Variants in TBX5 observed in about 807,000 individuals in gnomAD.
The protein encoded by TBX5 is T-box transcription factor 5, also known as T-box transcription factor TBX5.
A neutral mutation model predicts 51.1 loss-of-function variants in TBX5; 8 were observed. That is an observed-to-expected ratio of 0.16 (90% confidence interval 0.09 to 0.28). The LOEUF is 0.28. Ranked by LOEUF, TBX5 falls within the 10% of genes least tolerant of loss-of-function variation. The pLI is 1.00. For synonymous variants in TBX5, 302 were observed against 266.4 expected (o/e 1.13, Z -1.30); for missense variants, 589 against 671.7 (o/e 0.88, Z 1.36).
upstream of TBX5, chr12:114,407,182 T>C (rs532812666): frequency 4.5e-5 from 40 of 896,992 alleles, no homozygotes; most frequent in Admixed American, 1.2e-4. Flanking sequence ...AAGTGGAGAA[T>C]CTCCAACCCT....
chr12:114,363,552 TA>T (rs1253358115), intron 8 of TBX5, among the ~76,000 whole-genome samples: 1 of 152,198 alleles, frequency 6.6e-6, no homozygotes, highest in Admixed American at 6.5e-5. Flanking sequence ...GGTGAGCTCT[TA>T]ATCAGCATGT....
intron 8 of TBX5, among the ~76,000 whole-genome samples, chr12:114,365,487 C>T (rs1298785179): frequency 6.6e-6 from 1 of 151,880 alleles, no homozygotes. Flanking sequence ...AGAAAAAAAA[C>T]AGCAAGTTGC....
At chr12:114,356,243 A>C in intron 8 of TBX5, 137 bp from the exon 9 acceptor site, 1 of 865,874 alleles carries the variant, frequency 1.2e-6, no homozygotes, top group Non-Finnish European at 1.9e-6. Flanking sequence ...TGAATACAAA[A>C]AAAGGGGGTT....
At chr12:114,398,467 G>T in intron 5 of TBX5, 106 bp downstream of exon 5, 1 of 1,480,222 alleles carries the variant, frequency 6.8e-7, no homozygotes, top group Admixed American at 2.0e-5. Flanking sequence ...GGAAAGAAAA[G>T]GAGAAATGTA....
intron 7 of TBX5, among the ~76,000 whole-genome samples, chr12:114,370,638 CCTCTCTCTCTCT>C (rs142620191): frequency 1.4e-5 from 2 of 146,774 alleles, no homozygotes; most frequent in African/African-American, 2.5e-5. Context: ...ATGATCTCTC[CCTCTCTCTCTCT>C]CTCTCTCTCT....
chr12:114,387,484 G>T (rs1870881756), intron 6 of TBX5, among the ~76,000 whole-genome samples: 1 of 152,202 alleles, frequency 6.6e-6, no homozygotes, highest in South Asian at 2.1e-4. Flanking sequence ...TCAGTTAAAA[G>T]GTCAGTGGTG....
intron 7 of TBX5, among the ~76,000 whole-genome samples, chr12:114,376,803 T>A (rs1209279631): frequency 2.6e-5 from 4 of 152,006 alleles, no homozygotes; most frequent in Non-Finnish European, 5.9e-5. Flanking sequence ...ATACACTTTT[T>A]GTCAATTATA....
chr12:114,390,068 A>G (rs1185149178), intron 6 of TBX5, among the ~76,000 whole-genome samples: 1 of 152,232 alleles, frequency 6.6e-6, no homozygotes, highest in Non-Finnish European at 1.5e-5. Context: ...CCAATCTTGC[A>G]CTTACCATCA....
In TBX5 at chr12:114,366,232, C is replaced by T; in HGVS notation, c.915G>A (p.Leu305=). The change falls in exon 8 of 9, where the codon CTG becomes CTA. Residue 305 remains leucine (L), a synonymous_variant. Coordinates refer to ENST00000405440, the MANE Select transcript of TBX5 (RefSeq NM_181486.4). ...GCAGTGGGTATGGGTTGGGTGGAGG[C>T]AGGAGGTCCTGGGAGGGGCCGGAAA... ...NGVSGPSQDL[L]PPPNPYPLPQ... is the part of the protein sequence containing the mutation. 1 of 1,613,994 alleles carries T rather than the reference C, an allele frequency of 6.2e-7. No individual in the cohort carries two copies. The highest frequency in any genetic ancestry group is 1.1e-5 in the South Asian group (1 of 91,072).
intron 7 of TBX5, among the ~76,000 whole-genome samples, chr12:114,369,258 C>T (rs190811700): frequency 3.3e-5 from 5 of 152,252 alleles, no homozygotes; most frequent in East Asian, 1.9e-4. Context: ...CAATGGACTC[C>T]GTGGAATTCT....
At chr12:114,358,432 G>C (rs1162132927) in intron 8 of TBX5, among the ~76,000 whole-genome samples, 1 of 152,132 alleles carries the variant, frequency 6.6e-6, no homozygotes, top group Non-Finnish European at 1.5e-5. Flanking sequence ...TTGTAAAATA[G>C]CTCCCAAACC....
intron 5 of TBX5, among the ~76,000 whole-genome samples, 163 bp from the exon 6 acceptor site, chr12:114,395,056 G>T (rs1009799839): frequency 1.3e-5 from 2 of 152,092 alleles, no homozygotes; most frequent in Admixed American, 1.3e-4. Flanking sequence ...TCATTAAAAA[G>T]AAACATTTCA....
intron 6 of TBX5, among the ~76,000 whole-genome samples, chr12:114,386,736 A>G (rs1436233185): frequency 6.6e-6 from 1 of 152,186 alleles, no homozygotes; most frequent in East Asian, 1.9e-4. Flanking sequence ...AGAACTAGTT[A>G]ACACAAACCA....
Position 114,355,274 on chromosome 12 carries a change from A to C in TBX5, c.*258T>G. ...GTGGCTGGTTGATGGGTGTGGTGGT[A>C]GTGGGGGGTGGGACTCATCTTTTTG... On this transcript the variant is annotated 3_prime_UTR_variant, in exon 9 of 9. Coordinates refer to ENST00000405440, the MANE Select transcript of TBX5 (RefSeq NM_181486.4). The C allele has an allele frequency of 1.9e-6, 1 of 516,248 alleles. No individual in the cohort carries two copies. Among genetic ancestry groups the C allele is most frequent in the Non-Finnish European group, 3.6e-6 (1 of 275,412 alleles). 32.0% of individuals were successfully genotyped at this position (516,248 alleles called of 1,614,324 possible).
chr12:114,364,922 C>A (rs1869429689), intron 8 of TBX5, among the ~76,000 whole-genome samples: 1 of 152,134 alleles, frequency 6.6e-6, no homozygotes, highest in African/African-American at 2.4e-5. Context: ...CCCACCATAC[C>A]ATCTACAGCT....
rs190127318 is a variant in TBX5, at chr12:114,394,634, G to T, written c.663+107C>A. 2.7e-5 allele frequency: 40 copies of T among 1,506,010 alleles called. No homozygotes were observed. In the Admixed American group the frequency reaches 6.4e-4, roughly 24 times the overall value. 93.3% of individuals were successfully genotyped at this position (1,506,010 alleles called of 1,614,324 possible). On this transcript the variant is annotated intron_variant, in intron 6 of 8. Transcript: ENST00000405440. ...CCAGCACCCTGGGGTCGAAGTTGGTGACTGCTGCCATTCAGAGGAGCAAAG... is the reference window on the plus strand; with the variant it reads ...CCAGCACCCTGGGGTCGAAGTTGGTTACTGCTGCCATTCAGAGGAGCAAAG...
Position 114,399,628 on chromosome 12 carries a change from T to G in TBX5, c.247A>C (p.Met83Leu). 3 of 1,614,024 alleles carry G rather than the reference T, an allele frequency of 1.9e-6. No homozygotes were observed. The highest frequency in any genetic ancestry group is 2.5e-6 in the Non-Finnish European group (3 of 1,180,002). ...EMIITKAGRRMFPSYKVKVTG... is the reference protein window; with the variant it reads ...EMIITKAGRRLFPSYKVKVTG... ...ACCTTCACTTTGTAACTGGGAAACA[T>G]CCGCCTAAGAGAGAGGGACGGAGGG... Residue 83 changes from methionine to leucine, a missense_variant, in exon 4 of 9, where the codon ATG becomes CTG. Around this residue, in one of 7 missense-constraint regions of TBX5, gnomAD observed 13 missense variants for 32.0 expected, o/e 0.41. Coordinates refer to ENST00000405440, the MANE Select transcript of TBX5 (RefSeq NM_181486.4).
At chr12:114,369,893 C>T (rs993819579) in intron 7 of TBX5, among the ~76,000 whole-genome samples, 6 of 152,096 alleles carry the variant, frequency 3.9e-5, no homozygotes, top group African/African-American at 1.2e-4. Context: ...GACTTATATG[C>T]TTATCCTGAT....
chr12:114,400,740 G>A (rs927720399), intron 3 of TBX5, among the ~76,000 whole-genome samples: 1 of 152,262 alleles, frequency 6.6e-6, no homozygotes, highest in Non-Finnish European at 1.5e-5. Flanking sequence ...CTTCCTGGGG[G>A]AATAGGAAGA....
Sources: allele counts gnomAD v4.1 joint callset (sites outside exome capture counted in the v4.1 genomes callset), GRCh38; gene constraint gnomAD v4.1.1; regional missense constraint gnomAD v4.1.1; transcripts MANE v1.5; gene names NCBI Gene and HGNC (gene_info 2026-07-23, HGNC 2026-07-21).